WDR44: variants seen among roughly 807,000 people sequenced by gnomAD.
WDR44 encodes the protein WD repeat domain 44, also known as WD repeat-containing protein 44.
In WDR44, 9 loss-of-function variants were observed where a neutral mutation model predicts 65.7. The ratio of observed to expected loss-of-function variants is 0.14; its 90% CI spans 0.08 to 0.24. WDR44 has a LOEUF of 0.24. Among genes scored for constraint, WDR44 ranks in the 10% least tolerant of loss-of-function variants. The probability of loss-of-function intolerance (pLI) is 1.00; values close to 1 mark genes in which losing one functional copy is unlikely to be tolerated. For synonymous variants in WDR44, 220 were observed against 235.2 expected (o/e 0.94, Z 0.59); for missense variants, 425 against 670.9 (o/e 0.63, Z 4.05).
At chrX:118,447,875 A>AAAATATATATATATATAT (rs1305596887) in intron 19 of WDR44, among the ~76,000 whole-genome samples, 1 of 54,809 alleles carries the variant, frequency 1.8e-5, no homozygotes, top group African/African-American at 6.5e-5. Context: ...CTCTATCTAA[A>AAAATATATATATATATAT]ATATATATAT....
intron 1 of WDR44, among the ~76,000 whole-genome samples, chrX:118,361,130 A>G (rs2056507814): frequency 3.6e-5 from 4 of 112,175 alleles, no homozygotes; most frequent in Non-Finnish European, 5.6e-5. Flanking sequence ...GTATAAAGAA[A>G]AGTCTGAAAA....
intron 12 of WDR44, among the ~76,000 whole-genome samples, chrX:118,414,869 T>C (rs5956054): frequency 0.13 from 14,785 of 111,248 alleles, 1,099 homozygotes; most frequent in African/African-American, 0.28. Flanking sequence ...ATGCCCTTTA[T>C]TTCTTTCTCT....
intron 16 of WDR44, 102 bp downstream of exon 16, chrX:118,442,447 C>T (rs1480639040): frequency 6.4e-6 from 6 of 940,353 alleles, no homozygotes; most frequent in East Asian, 3.1e-5. Context: ...TGTGGAATAC[C>T]GCTTTTCTTC....
At chrX:118,364,822 A>C (rs2147670424) in intron 1 of WDR44, among the ~76,000 whole-genome samples, 1 of 111,880 alleles carries the variant, frequency 8.9e-6, no homozygotes, top group East Asian at 2.8e-4. Flanking sequence ...CTTTTTCTAA[A>C]CTCAGGTTGT....
At chrX:118,394,254 A>C in intron 5 of WDR44, 69 bp downstream of exon 5, 4 of 1,172,730 alleles carry the variant, frequency 3.4e-6, no homozygotes, top group Non-Finnish European at 4.6e-6. Flanking sequence ...TTTGTTGATG[A>C]TTATTCTGTA....
At chrX:118,395,568 CA>C (rs748517035) in intron 6 of WDR44, among the ~76,000 whole-genome samples, 67 of 107,026 alleles carry the variant, frequency 6.3e-4, no homozygotes, top group African/African-American at 2.0e-3. Context: ...CTGTTACACA[CA>C]AAAAAAAATA....
At chrX:118,367,704 A>G (rs1239941291) in intron 1 of WDR44, among the ~76,000 whole-genome samples, 14 of 111,796 alleles carry the variant, frequency 1.3e-4, no homozygotes, top group Admixed American at 1.2e-3. Context: ...TGCCAGGTAC[A>G]TGGAAACAAT....
intron 19 of WDR44, among the ~76,000 whole-genome samples, chrX:118,447,295 G>GT (rs1373471423): frequency 1.8e-5 from 2 of 110,240 alleles, no homozygotes; most frequent in African/African-American, 3.3e-5. Flanking sequence ...AAAGTACAGG[G>GT]TTTTTTTTAA....
intron 12 of WDR44, among the ~76,000 whole-genome samples, chrX:118,412,893 C>T (rs1056823820): frequency 9.0e-6 from 1 of 111,484 alleles, no homozygotes; most frequent in African/African-American, 3.3e-5. Context: ...ATCATTCTTA[C>T]ATCTTTGCGT....
chrX:118,379,910 C>T (rs771393331), intron 2 of WDR44, among the ~76,000 whole-genome samples: 1 of 111,482 alleles, frequency 9.0e-6, no homozygotes, highest in South Asian at 3.7e-4. Flanking sequence ...TCATCCCCCA[C>T]CTCTCAAACT....
At chrX:118,443,521 A>G (rs1181143522) in intron 17 of WDR44, 39 bp from the exon 18 acceptor site, 6 of 1,196,156 alleles carry the variant, frequency 5.0e-6, no homozygotes, top group Non-Finnish European at 5.6e-6. Context: ...ATATACACAC[A>G]CACATTTTAT....
chrX:118,438,377 G>A (rs1237124749), intron 14 of WDR44, among the ~76,000 whole-genome samples: 1 of 107,157 alleles, frequency 9.3e-6, no homozygotes, highest in Non-Finnish European at 1.9e-5. Context: ...TATCAGCTTG[G>A]AAAGAGATAT....
intron 8 of WDR44, among the ~76,000 whole-genome samples, chrX:118,398,769 A>C (rs1007258746): frequency 9.0e-6 from 1 of 111,715 alleles, no homozygotes; most frequent in African/African-American, 3.3e-5. Context: ...TCTACTAAAA[A>C]TACAAAAATT....
chrX:118,390,689 C>T (rs945434409), intron 3 of WDR44, among the ~76,000 whole-genome samples: 2 of 111,670 alleles, frequency 1.8e-5, no homozygotes, highest in Non-Finnish European at 3.8e-5. Context: ...CACTTTCAGC[C>T]GATAACCTTG....
At chrX:118,407,092 CA>C (rs2056973473) in intron 10 of WDR44, 66 bp downstream of exon 10, 1 of 1,056,994 alleles carries the variant, frequency 9.5e-7, no homozygotes, top group African/African-American at 1.9e-5. Context: ...TTGGCTTCTA[CA>C]AAACTATCTC....
intron 6 of WDR44, 63 bp from the exon 7 acceptor site, chrX:118,396,904 TAGA>T (rs760717214): frequency 7.3e-5 from 79 of 1,088,152 alleles, no homozygotes; most frequent in Non-Finnish European, 9.3e-5. Context: ...GGGGATTTTG[TAGA>T]CTCAAAAAGA....
intron 1 of WDR44, among the ~76,000 whole-genome samples, chrX:118,358,484 C>T (rs2056483015): frequency 8.9e-6 from 1 of 111,908 alleles, no homozygotes; most frequent in Non-Finnish European, 1.9e-5. Flanking sequence ...GGACGGATCA[C>T]TTGAAGCCAG....
chrX:118,432,766 T>C lies in WDR44; in HGVS notation c.1738-15T>C, dbSNP rs972407724. On this transcript the variant is annotated splice_polypyrimidine_tract_variant and intron_variant, in intron 12 of 19. Transcript: ENST00000254029. ...TTACATTGCAGTTTCAAAGTTTATC[T>C]TTATATCCAAATAGGTATGCAGTGG... is the stretch of plus-strand genomic sequence containing the variant. 2.6e-5 allele frequency: 31 copies of C among 1,185,841 alleles called. No individual in the cohort carries two copies. The highest frequency in any genetic ancestry group is 3.5e-5 in the Non-Finnish European group (31 of 873,615).
At chrX:118,426,394 T>G (rs2057157064) in intron 12 of WDR44, among the ~76,000 whole-genome samples, 2 of 111,311 alleles carry the variant, frequency 1.8e-5, no homozygotes, top group South Asian at 3.7e-4. Context: ...TGTATATATT[T>G]AAAATGCCCA....
Sources: allele counts gnomAD v4.1 joint callset (sites outside exome capture counted in the v4.1 genomes callset), GRCh38; gene constraint gnomAD v4.1.1; transcripts MANE v1.5; gene names NCBI Gene and HGNC (gene_info 2026-07-23, HGNC 2026-07-21).